The following LRP1B variants were observed in gnomAD, a reference collection of about 807,000 sequenced individuals.
LRP1B encodes the protein low-density lipoprotein receptor-related protein 1B.
Under a neutral mutation model 556.6 loss-of-function variants are expected in LRP1B, and 217 were observed. The observed-to-expected ratio is 0.39, with a 90% confidence interval of 0.35 to 0.44. The LOEUF is 0.44. Ranked by LOEUF, LRP1B falls within the 20% of genes least tolerant of loss-of-function variation. The pLI, the probability that LRP1B is intolerant of heterozygous loss-of-function variation, is 1.00. For missense variants in LRP1B, 5,053 were observed against 5,620.8 expected (o/e 0.90, Z 3.23); for synonymous variants, 2,047 against 1,865.8 (o/e 1.10, Z -2.50).
chr2:141,155,706 G>A (rs1370355596), intron 7 of LRP1B, among the ~76,000 whole-genome samples: 2 of 151,926 alleles, frequency 1.3e-5, no homozygotes, highest in African/African-American at 2.4e-5. Flanking sequence ...TACCCCTTAT[G>A]TATTAAAATT....
chr2:140,724,457 T>C (rs749488057), intron 35 of LRP1B, among the ~76,000 whole-genome samples: 1 of 152,222 alleles, frequency 6.6e-6, no homozygotes, highest in Non-Finnish European at 1.5e-5. Flanking sequence ...TTTACTTCCA[T>C]TTTATTGGAT....
At chr2:141,702,322 A>G (rs1158259165) in intron 2 of LRP1B, among the ~76,000 whole-genome samples, 2 of 151,906 alleles carry the variant, frequency 1.3e-5, no homozygotes, top group African/African-American at 4.8e-5. Context: ...TTTCTGGCAA[A>G]CTAGAGGGAT....
At chr2:141,640,010 T>G (rs1250805633) in intron 2 of LRP1B, among the ~76,000 whole-genome samples, 5 of 152,158 alleles carry the variant, frequency 3.3e-5, no homozygotes, top group Non-Finnish European at 7.4e-5. Flanking sequence ...AAATGATGAT[T>G]CAGCAATAGA....
chr2:140,910,292 A>G (rs552417113), intron 21 of LRP1B, among the ~76,000 whole-genome samples: 1 of 151,966 alleles, frequency 6.6e-6, no homozygotes, highest in East Asian at 1.9e-4. Flanking sequence ...ACAGTTGGCA[A>G]TCTAAATAGC....
At chr2:140,763,883 T>G (rs1689013108) in intron 35 of LRP1B, among the ~76,000 whole-genome samples, 1 of 152,140 alleles carries the variant, frequency 6.6e-6, no homozygotes, top group Admixed American at 6.6e-5. Flanking sequence ...AAAAATATAT[T>G]ATTGAAGAAA....
At chr2:141,861,704 T>C (rs1319582212) in intron 1 of LRP1B, among the ~76,000 whole-genome samples, 1 of 151,934 alleles carries the variant, frequency 6.6e-6, no homozygotes, top group East Asian at 1.9e-4. Context: ...CCGTAGCGGG[T>C]GGATGACCTG....
chr2:141,609,309 C>T (rs569796324), intron 2 of LRP1B, among the ~76,000 whole-genome samples: 17 of 152,246 alleles, frequency 1.1e-4, no homozygotes, highest in African/African-American at 3.9e-4. Flanking sequence ...GTGAGGACTG[C>T]TCTCCAAAGA....
chr2:140,869,863 A>T (rs1183312646), intron 25 of LRP1B, among the ~76,000 whole-genome samples: 1 of 152,028 alleles, frequency 6.6e-6, no homozygotes, highest in African/African-American at 2.4e-5. Context: ...GGGTGTAGAC[A>T]ATGTTGGGGC....
intron 2 of LRP1B, among the ~76,000 whole-genome samples, chr2:141,806,050 T>C (rs1200747997): frequency 1.3e-5 from 2 of 152,074 alleles, no homozygotes; most frequent in Non-Finnish European, 2.9e-5. Flanking sequence ...CTTCCTTTCT[T>C]AAAAAGAAAT....
At chr2:140,303,012 CATATATATATATATAT>C (rs59878403) in intron 83 of LRP1B, among the ~76,000 whole-genome samples, 1,070 of 82,834 alleles carry the variant, frequency 0.013, 21 homozygotes, top group African/African-American at 0.015. Context: ...AAATCTCCTT[CATATATATATATATAT>C]ATATATATAT....
intron 84 of LRP1B, among the ~76,000 whole-genome samples, chr2:140,280,332 A>G (rs1682863094): frequency 6.6e-6 from 1 of 151,798 alleles, no homozygotes; most frequent in Admixed American, 6.6e-5. Context: ...AAATATAGAT[A>G]AAAGATTTTG....
chr2:141,531,735 A>G (rs1684880418), intron 2 of LRP1B, among the ~76,000 whole-genome samples: 1 of 152,164 alleles, frequency 6.6e-6, no homozygotes, highest in Non-Finnish European at 1.5e-5. Flanking sequence ...TGGTCAAACA[A>G]TTATGAACCA....
intron 6 of LRP1B, among the ~76,000 whole-genome samples, chr2:141,209,087 G>T (rs1009253009): frequency 6.6e-6 from 1 of 151,928 alleles, no homozygotes; most frequent in Non-Finnish European, 1.5e-5. Context: ...CACAGACACA[G>T]CACTACAATA....
intron 3 of LRP1B, among the ~76,000 whole-genome samples, chr2:141,317,070 T>C (rs947088398): frequency 1.1e-4 from 16 of 152,224 alleles, no homozygotes; most frequent in African/African-American, 3.9e-4. Flanking sequence ...TGGCAGGACA[T>C]AGTAAGTATA....
At chr2:141,797,419 T>C (rs1475930687) in intron 2 of LRP1B, among the ~76,000 whole-genome samples, 1 of 151,878 alleles carries the variant, frequency 6.6e-6, no homozygotes, top group East Asian at 1.9e-4. Context: ...ATTCTGTGTG[T>C]CATATTTAGC....
intron 1 of LRP1B, among the ~76,000 whole-genome samples, chr2:141,853,944 T>C (rs1697953410): frequency 6.6e-6 from 1 of 151,992 alleles, no homozygotes. Flanking sequence ...ATTAAATCCA[T>C]GAAGCAATAC....
chr2:141,945,181 CT>C (rs1467635020), intron 1 of LRP1B, among the ~76,000 whole-genome samples: 1 of 152,066 alleles, frequency 6.6e-6, no homozygotes, highest in Non-Finnish European at 1.5e-5. Flanking sequence ...ATTCTTTATG[CT>C]TTACATTATG....
At chr2:140,963,895 C>A (rs559191755) in intron 18 of LRP1B, among the ~76,000 whole-genome samples, 2 of 152,174 alleles carry the variant, frequency 1.3e-5, no homozygotes, top group Non-Finnish European at 2.9e-5. Context: ...TCCCTGTGTG[C>A]GGCGACGAGA....
intron 2 of LRP1B, among the ~76,000 whole-genome samples, chr2:141,632,960 A>G (rs1688969528): frequency 6.6e-6 from 1 of 151,838 alleles, no homozygotes; most frequent in Admixed American, 6.6e-5. Flanking sequence ...AGCCTAAACT[A>G]TTAACTTCCA....
Sources: allele counts gnomAD v4.1 joint callset (sites outside exome capture counted in the v4.1 genomes callset), GRCh38; gene constraint gnomAD v4.1.1; transcripts MANE v1.5; gene names NCBI Gene and HGNC (gene_info 2026-07-23, HGNC 2026-07-21).